SLC24A2: variants seen among roughly 807,000 people sequenced by gnomAD.
The protein encoded by SLC24A2 is solute carrier family 24 member 2.
Under a neutral mutation model 62.0 loss-of-function variants are expected in SLC24A2, and 36 were observed. The ratio of observed to expected loss-of-function variants is 0.58; its 90% confidence interval spans 0.44 to 0.77. The LOEUF is 0.77. Ranked by LOEUF, SLC24A2 falls within the 30% of genes least tolerant of loss-of-function variation. SLC24A2 has a pLI of 0.00. For synonymous variants in SLC24A2, 358 were observed against 294.0 expected (o/e 1.22, Z -2.23); for missense variants, 846 against 817.9 (o/e 1.03, Z -0.42).
At chr9:19,689,453 T>C (rs971529618) in intron 2 of SLC24A2, among the ~76,000 whole-genome samples, 21 of 152,296 alleles carry the variant, frequency 1.4e-4, no homozygotes, top group African/African-American at 4.8e-4. Flanking sequence ...AAGGAATTAT[T>C]GGGCACTTCT....
Position 19,786,900 on chromosome 9 carries a change from A to G in SLC24A2, c.-34T>C, listed in dbSNP as rs376971030. On this transcript the variant is annotated 5_prime_UTR_variant, in exon 2 of 11. Coordinates refer to ENST00000341998, the MANE Select transcript of SLC24A2 (RefSeq NM_020344.4). The surrounding 1 kb of genome is among the most constrained non-coding windows in gnomAD (Gnocchi z 5.0). Reference sequence around the variant, plus strand: ...TTCTGGTGGATATGGTGATCTTCCAACTTTAGACTCAACCAGATGGTTCTT... The same window carrying G: ...TTCTGGTGGATATGGTGATCTTCCAGCTTTAGACTCAACCAGATGGTTCTT... 41 of 1,601,744 alleles carry G rather than the reference A, an allele frequency of 2.6e-5. No individual in the cohort carries two copies. Among genetic ancestry groups the G allele is most frequent in the African/African-American group, 4.0e-5 (3 of 74,820 alleles).
At chr9:20,164,284 A>G in the SLC24A2 span, among the ~76,000 whole-genome samples, 1 of 151,870 alleles carries the variant, frequency 6.6e-6, no homozygotes, top group Non-Finnish European at 1.5e-5. Context: ...ACAAATTTAC[A>G]AGAAAAAAAC....
chr9:20,045,216 C>A, the SLC24A2 span, among the ~76,000 whole-genome samples: 3 of 152,126 alleles, frequency 2.0e-5, no homozygotes, highest in African/African-American at 7.2e-5. Context: ...AGGATGCTTG[C>A]AGCCTAGTGG....
rs900303928 is a variant in SLC24A2 at position 19,787,009 on chromosome 9, C to T, written c.-143G>A. On this transcript the variant is annotated 5_prime_UTR_variant, in exon 2 of 11. The change abolishes an upstream ATG in the 5' untranslated region. Coordinates refer to ENST00000341998, the MANE Select transcript of SLC24A2 (RefSeq NM_020344.4). The stretch of plus-strand genomic sequence containing the variant: ...ATTGTTATGCTTCACAGGAAACTTT[C>T]ATCATTTATGCTTAAATAAAAATAA... 1 of 1,411,692 alleles carries T rather than the reference C, an allele frequency of 7.1e-7. No individual in the cohort carries two copies. Among genetic ancestry groups the T allele is most frequent in the Non-Finnish European group, 9.2e-7 (1 of 1,086,302 alleles). The allele number at this position is 1,411,692 out of a possible 1,614,324, so 87.4% of individuals were successfully genotyped here.
intron 5 of SLC24A2, among the ~76,000 whole-genome samples, chr9:19,578,295 C>T (rs1044373757): frequency 1.4e-5 from 2 of 148,008 alleles, no homozygotes; most frequent in Admixed American, 6.8e-5. Flanking sequence ...ACAGCTGTAA[C>T]ACAAGTGCGA....
intron 2 of SLC24A2, among the ~76,000 whole-genome samples, chr9:19,659,161 G>C (rs1334984229): frequency 1.3e-5 from 2 of 152,182 alleles, no homozygotes; most frequent in Non-Finnish European, 2.9e-5. Flanking sequence ...GGAAGACAGA[G>C]AGACACACAG....
chr9:20,203,142 G>A, the SLC24A2 span, among the ~76,000 whole-genome samples: 3 of 151,562 alleles, frequency 2.0e-5, no homozygotes, highest in Non-Finnish European at 4.4e-5. Flanking sequence ...AAAAGACTGG[G>A]TTAGCATGTC....
At chr9:19,665,533 A>G (rs553067753) in intron 2 of SLC24A2, among the ~76,000 whole-genome samples, 2 of 152,294 alleles carry the variant, frequency 1.3e-5, no homozygotes, top group Admixed American at 1.3e-4. Flanking sequence ...AGGCTTTAGA[A>G]TCAGGCAAAA....
At chr9:20,238,917 C>T in the SLC24A2 span, among the ~76,000 whole-genome samples, 5 of 152,180 alleles carry the variant, frequency 3.3e-5, no homozygotes, top group Non-Finnish European at 5.9e-5. Flanking sequence ...CTATTCCTGT[C>T]TCTTCTTCCT....
intron 2 of SLC24A2, among the ~76,000 whole-genome samples, chr9:19,731,430 A>G (rs1821330312): frequency 6.6e-6 from 1 of 152,188 alleles, no homozygotes; most frequent in Non-Finnish European, 1.5e-5. Flanking sequence ...GTTAAATACA[A>G]TCATAAGGGT....
Position 19,672,785 on chromosome 9 carries a change from T to C in SLC24A2, c.931-50486A>G, listed in dbSNP as rs575665132. On this transcript the variant is annotated intron_variant, in intron 2 of 10. Coordinates refer to ENST00000341998, the MANE Select transcript of SLC24A2 (RefSeq NM_020344.4). ...TTTTTAATATCCATCTTGATTTCATTGTTGACCCAATGATCATTCAGGAGC... is the reference window on the plus strand; with the variant it reads ...TTTTTAATATCCATCTTGATTTCATCGTTGACCCAATGATCATTCAGGAGC... Among the ~76,000 whole-genome samples the C allele has an allele frequency of 1.5e-4, 22 of 146,896 alleles. 1 individual carries two copies. The highest frequency in any genetic ancestry group is 5.3e-4 in the Admixed American group (8 of 15,020).
chr9:19,965,181 A>G, the SLC24A2 span, among the ~76,000 whole-genome samples: 2 of 152,252 alleles, frequency 1.3e-5, no homozygotes, highest in South Asian at 2.1e-4. Context: ...AACCACTTGT[A>G]TAACACCAGT....
chr9:20,042,594 G>T, the SLC24A2 span, among the ~76,000 whole-genome samples: 2 of 152,196 alleles, frequency 1.3e-5, no homozygotes, highest in African/African-American at 2.4e-5. Context: ...TAAGGGACAT[G>T]TTCATTTATC....
chr9:19,702,138 CT>C (rs1820374314), intron 2 of SLC24A2, among the ~76,000 whole-genome samples: 1 of 152,136 alleles, frequency 6.6e-6, no homozygotes, highest in Non-Finnish European at 1.5e-5. Context: ...AAATGGAAAA[CT>C]GTGAACTTGC....
chr9:20,079,594 G>C, the SLC24A2 span, among the ~76,000 whole-genome samples: 1 of 152,114 alleles, frequency 6.6e-6, no homozygotes, highest in African/African-American at 2.4e-5. Context: ...TTGCAGTTTT[G>C]AATAATGGAA....
chr9:19,533,559 G>A (rs1467580009), intron 8 of SLC24A2, among the ~76,000 whole-genome samples: 1 of 152,198 alleles, frequency 6.6e-6, no homozygotes, highest in Non-Finnish European at 1.5e-5. Context: ...TCGGCACTTT[G>A]CCATTATGTG....
the SLC24A2 span, among the ~76,000 whole-genome samples, chr9:20,230,639 T>C: frequency 6.6e-6 from 1 of 152,258 alleles, no homozygotes; most frequent in Non-Finnish European, 1.5e-5. Context: ...ATTAGCCCTT[T>C]GTCAGACGAG....
chr9:20,303,741 C>G, the SLC24A2 span, among the ~76,000 whole-genome samples: 2 of 152,176 alleles, frequency 1.3e-5, no homozygotes, highest in Admixed American at 6.5e-5. Flanking sequence ...ACTTTGCCAC[C>G]AGAAGGGTTC....
intron 7 of SLC24A2, among the ~76,000 whole-genome samples, chr9:19,563,380 C>T (rs1835498180): frequency 6.7e-6 from 1 of 149,324 alleles, no homozygotes; most frequent in South Asian, 2.1e-4. Context: ...CTGACTGTTA[C>T]CCCTTAATTA....
Sources: gnomAD v4.1 joint callset for allele counts (sites outside exome capture counted in the v4.1 genomes callset) on GRCh38, gnomAD v4.1.1 for gene constraint, Gnocchi (gnomAD v3.1) non-coding constraint, MANE v1.5 for transcripts, NCBI Gene and HGNC (gene_info 2026-07-23, HGNC 2026-07-21) for gene names.